The following RAB7B variants were observed in gnomAD, a reference collection of about 807,000 sequenced individuals.
RAB7B encodes the protein RAB7B, member RAS oncogene family.
intron 5 of RAB7B, among the ~76,000 whole-genome samples, chr1:205,985,285 C>G (rs1034911069): frequency 6.6e-6 from 1 of 152,156 alleles, no homozygotes; most frequent in African/African-American, 2.4e-5. Context: ...AGATACTCCA[C>G]GAGGGATTTG....
intron 5 of RAB7B, among the ~76,000 whole-genome samples, chr1:205,984,409 C>A (rs965459297): frequency 1.3e-5 from 2 of 152,210 alleles, no homozygotes; most frequent in East Asian, 3.8e-4. Flanking sequence ...ATGAGGGCGG[C>A]GGATGCTTCC....
intron 5 of RAB7B, among the ~76,000 whole-genome samples, chr1:205,984,707 A>G (rs1286778212): frequency 6.6e-6 from 1 of 152,138 alleles, no homozygotes; most frequent in Non-Finnish European, 1.5e-5. Context: ...CTTGAACGCA[A>G]TGTGCTTACA....
At position 205,999,178 on chromosome 1, in the gene RAB7B, C is replaced by T. The variant is rs994938126; in HGVS notation, c.-17+4075G>A. On this transcript the variant is annotated intron_variant, in intron 1 of 5. Transcript: ENST00000617070. ...TGAGGGTTTGATGCAGGGAGGCCAG[C>T]GGCGTGCTTAGGAAGGGAAAGCTGG... 2.0e-3 allele frequency among the ~76,000 whole-genome samples: 310 copies of T among 152,158 alleles called. 3 individuals are homozygous for T. The highest frequency in any genetic ancestry group is 5.3e-4 in the Non-Finnish European group (36 of 68,004).
At chr1:205,986,628 G>A (rs1469856128) in intron 4 of RAB7B, among the ~76,000 whole-genome samples, 2 of 152,328 alleles carry the variant, frequency 1.3e-5, no homozygotes, top group Non-Finnish European at 2.9e-5. Context: ...TGCAAACGGC[G>A]TTCAATTTGT....
intron 5 of RAB7B, chr1:205,984,142 C>G (rs1660548112): frequency 6.6e-6 from 1 of 152,332 alleles, no homozygotes; most frequent in African/African-American, 2.4e-5. Context: ...TAAAGCCACA[C>G]TTCTTGACCA....
intron 5 of RAB7B, among the ~76,000 whole-genome samples, chr1:205,981,479 G>A (rs947304787): frequency 2.0e-5 from 3 of 152,154 alleles, no homozygotes; most frequent in Non-Finnish European, 4.4e-5. Context: ...CTTTCACAAT[G>A]TTAACTGAAC....
chr1:205,980,581 C>A (rs1245104870), intron 5 of RAB7B, among the ~76,000 whole-genome samples: 2 of 152,222 alleles, frequency 1.3e-5, no homozygotes, highest in African/African-American at 2.4e-5. Flanking sequence ...TCTGTTCCCC[C>A]AGTCTGGCCA....
chr1:206,002,557 C>T (rs1283727694), intron 1 of RAB7B, among the ~76,000 whole-genome samples: 1 of 152,062 alleles, frequency 6.6e-6, no homozygotes, highest in African/African-American at 2.4e-5. Context: ...GTTACTATCT[C>T]CGTGGGACCT....
intron 5 of RAB7B, among the ~76,000 whole-genome samples, 156 bp from the exon 6 acceptor site, chr1:205,979,084 C>T (rs1418862373): frequency 1.3e-5 from 2 of 152,134 alleles, no homozygotes; most frequent in African/African-American, 4.8e-5. Context: ...ACTGGTGTTC[C>T]CCACCCTCCT....
rs915735533 is a variant in RAB7B at position 206,001,393 on chromosome 1, A to C, written c.-17+1860T>G. Among the ~76,000 whole-genome samples the C allele has an allele frequency of 1.5e-3, 223 of 152,216 alleles. 1 individual carries two copies. The highest frequency in any genetic ancestry group is 4.9e-3 in the African/African-American group (204 of 41,514). On this transcript the variant is annotated intron_variant, in intron 1 of 5. Transcript: ENST00000617070. ...TATTTCTTTTTGAGATAACTTTGGT[A>C]ATGTGTATCATTAAGGAATTTTTCT...
intron 4 of RAB7B, among the ~76,000 whole-genome samples, chr1:205,990,367 G>A (rs1369444964): frequency 1.3e-5 from 2 of 152,220 alleles, no homozygotes; most frequent in Non-Finnish European, 2.9e-5. Flanking sequence ...ACAACCCCTG[G>A]AGTTTGGTGG....
At chr1:205,986,955 T>G (rs1456586262) in intron 4 of RAB7B, among the ~76,000 whole-genome samples, 3 of 152,156 alleles carry the variant, frequency 2.0e-5, no homozygotes, top group African/African-American at 7.2e-5. Flanking sequence ...AAGTCCCAGC[T>G]GATCTCAGCA....
intron 5 of RAB7B, chr1:205,984,238 T>G (rs1231998401): frequency 6.6e-6 from 1 of 151,874 alleles, no homozygotes; most frequent in African/African-American, 2.4e-5. Flanking sequence ...CCAGTGAGGG[T>G]CGGGGGAACC....
intron 1 of RAB7B, among the ~76,000 whole-genome samples, chr1:206,001,901 G>A (rs1660898814): frequency 2.0e-5 from 3 of 152,052 alleles, no homozygotes; most frequent in African/African-American, 2.4e-5. Flanking sequence ...TCCTTACCCC[G>A]CTGGCTCCAA....
intron 5 of RAB7B, among the ~76,000 whole-genome samples, chr1:205,979,509 C>T (rs1233983161): frequency 2.6e-5 from 4 of 152,284 alleles, no homozygotes; most frequent in African/African-American, 9.6e-5. Context: ...CAAGCTTCTG[C>T]CTTTCCAGCT....
At chr1:205,997,366 G>C (rs916277659) in intron 1 of RAB7B, among the ~76,000 whole-genome samples, 2 of 152,208 alleles carry the variant, frequency 1.3e-5, no homozygotes, top group African/African-American at 4.8e-5. Context: ...TGAGAATTCA[G>C]CAGAACTAGG....
intron 5 of RAB7B, among the ~76,000 whole-genome samples, chr1:205,979,917 G>A (rs1012065505): frequency 3.7e-4 from 56 of 152,206 alleles, no homozygotes; most frequent in East Asian, 9.7e-4. Context: ...TTATCTCCCC[G>A]GCAGTTCCCA....
At chr1:205,981,994 C>G (rs1007524386) in intron 5 of RAB7B, among the ~76,000 whole-genome samples, 3 of 152,174 alleles carry the variant, frequency 2.0e-5, no homozygotes, top group Non-Finnish European at 4.4e-5. Flanking sequence ...ACTCTGGTTT[C>G]TTTCACAATG....
At chr1:205,992,355 T>C (rs1246620638) in intron 4 of RAB7B, 125 bp downstream of exon 4, 1 of 397,440 alleles carries the variant, frequency 2.5e-6, no homozygotes, top group African/African-American at 2.1e-5. Flanking sequence ...ACTACTAGAC[T>C]GTGAAATTCC....
Sources: allele counts gnomAD v4.1 joint callset (sites outside exome capture counted in the v4.1 genomes callset), GRCh38; gene constraint gnomAD v4.1.1; transcripts MANE v1.5; gene names NCBI Gene and HGNC (gene_info 2026-07-23, HGNC 2026-07-21).